Variants in MAGI2 observed in about 807,000 individuals in gnomAD.
MAGI2 encodes membrane-associated guanylate kinase, WW and PDZ domain-containing protein 2.
MAGI2 carries 35 observed loss-of-function variants against 133.3 expected under a neutral mutation model. That is an observed-to-expected ratio of 0.26 (90% CI 0.20 to 0.35). The LOEUF (loss-of-function observed/expected upper bound fraction) is 0.35. Ranked by LOEUF, MAGI2 falls within the 10% of genes least tolerant of loss-of-function variation. The probability of loss-of-function intolerance (pLI) is 1.00; values close to 1 mark genes in which losing one functional copy is unlikely to be tolerated. For missense variants in MAGI2, 1,636 were observed against 1,863.4 expected (o/e 0.88, Z 2.25); for synonymous variants, 729 against 710.6 (o/e 1.03, Z -0.41).
At position 78,127,185 on chromosome 7, in the gene MAGI2, G is replaced by GGGAGGAGGTACCT; in HGVS notation, c.3422_3423+11dup. 6.4e-7 allele frequency: 1 copy of GGGAGGAGGTACCT among 1,552,580 alleles called. No homozygotes were observed. Among genetic ancestry groups the GGGAGGAGGTACCT allele is most frequent in the Non-Finnish European group, 8.7e-7 (1 of 1,152,454 alleles). The stretch of plus-strand genomic sequence containing the variant: ...TTGGTCAGGACCCACCCTGCTCTCC[G>GGGAGGAGGTACCT]GGAGGAGGTACCTGGGGTTGTCTGT... On this transcript the variant is annotated intron_variant, in intron 19 of 21. Transcript: ENST00000354212.
At chr7:78,271,439 G>A (rs1794570082) in intron 9 of MAGI2, among the ~76,000 whole-genome samples, 1 of 152,116 alleles carries the variant, frequency 6.6e-6, no homozygotes, top group South Asian at 2.1e-4. Context: ...TCTCTGCCAG[G>A]TTTTGGTTTC....
chr7:78,156,383 T>C (rs1197583228), intron 16 of MAGI2, among the ~76,000 whole-genome samples: 2 of 152,166 alleles, frequency 1.3e-5, no homozygotes, highest in Non-Finnish European at 2.9e-5. Flanking sequence ...GTGGTGGCTC[T>C]GACTAATGGC....
intron 2 of MAGI2, among the ~76,000 whole-genome samples, chr7:78,643,904 A>G (rs1810562231): frequency 1.3e-5 from 2 of 152,302 alleles, no homozygotes; most frequent in Admixed American, 6.5e-5. Flanking sequence ...TGGATCATCC[A>G]TTTAAAAGAG....
intron 3 of MAGI2, among the ~76,000 whole-genome samples, chr7:78,524,726 T>G (rs1319165269): frequency 6.6e-6 from 1 of 151,992 alleles, no homozygotes; most frequent in Non-Finnish European, 1.5e-5. Context: ...CTGGTATCAA[T>G]GAACTTTTAT....
chr7:78,371,776 C>T (rs1299392835), intron 6 of MAGI2, among the ~76,000 whole-genome samples: 11 of 151,828 alleles, frequency 7.2e-5, no homozygotes, highest in Non-Finnish European at 1.0e-4. Context: ...TTTGTGTGTT[C>T]GTTTGGTTGT....
intron 10 of MAGI2, among the ~76,000 whole-genome samples, chr7:78,214,263 A>C (rs1447926887): frequency 6.6e-6 from 1 of 152,190 alleles, no homozygotes; most frequent in African/African-American, 2.4e-5. Flanking sequence ...GCATCTGAGG[A>C]TCCCAAGTAT....
chr7:79,158,002 A>G (rs1314777933), intron 1 of MAGI2, among the ~76,000 whole-genome samples: 1 of 150,550 alleles, frequency 6.6e-6, no homozygotes, highest in African/African-American at 2.5e-5. Context: ...TATAAATTCT[A>G]TAATTTTATG....
intron 2 of MAGI2, among the ~76,000 whole-genome samples, chr7:78,894,988 A>G (rs1441267232): frequency 6.6e-6 from 1 of 152,204 alleles, no homozygotes; most frequent in Non-Finnish European, 1.5e-5. Context: ...TGACACTGAA[A>G]TTTAACCCCA....
At chr7:78,691,869 A>C (rs1816992595) in intron 2 of MAGI2, among the ~76,000 whole-genome samples, 2 of 152,200 alleles carry the variant, frequency 1.3e-5, no homozygotes, top group Admixed American at 1.3e-4. Context: ...AGAATGTACA[A>C]TACCAAGAGG....
At chr7:78,841,425 G>T (rs188388516) in intron 2 of MAGI2, among the ~76,000 whole-genome samples, 5 of 152,026 alleles carry the variant, frequency 3.3e-5, no homozygotes, top group Non-Finnish European at 7.4e-5. Flanking sequence ...ACTCTTTGCT[G>T]GCATTTCTTT....
intron 2 of MAGI2, among the ~76,000 whole-genome samples, chr7:78,859,357 T>C (rs1793950396): frequency 6.6e-6 from 1 of 152,150 alleles, no homozygotes; most frequent in African/African-American, 2.4e-5. Context: ...CAATTTGGCA[T>C]GTTGTTGCAG....
chr7:78,377,784 G>A (rs1281348495), intron 6 of MAGI2, among the ~76,000 whole-genome samples: 2 of 150,174 alleles, frequency 1.3e-5, no homozygotes, highest in Non-Finnish European at 3.0e-5. Context: ...TTGCTTACAT[G>A]AAACTGTTAT....
chr7:79,372,084 TC>T (rs1200023781), intron 1 of MAGI2, among the ~76,000 whole-genome samples: 7 of 152,252 alleles, frequency 4.6e-5, no homozygotes. Flanking sequence ...AACTAAATAA[TC>T]GAAATCTGCA....
At chr7:78,955,728 T>TCTTTCTTTCTTTCTTTCTTC (rs1802277522) in intron 2 of MAGI2, among the ~76,000 whole-genome samples, 1 of 28,412 alleles carries the variant, frequency 3.5e-5, no homozygotes, top group African/African-American at 9.9e-5. Flanking sequence ...TCTTTCTCTT[T>TCTTTCTTTCTTTCTTTCTTC]CTTTCTTTCT....
At chr7:78,192,763 T>G (rs556208197) in intron 12 of MAGI2, among the ~76,000 whole-genome samples, 1 of 152,298 alleles carries the variant, frequency 6.6e-6, no homozygotes, top group East Asian at 1.9e-4. Context: ...TTTGGCTTTC[T>G]GAGATTTTTG....
chr7:78,828,180 C>T (rs1016805012), intron 2 of MAGI2, among the ~76,000 whole-genome samples: 6 of 151,292 alleles, frequency 4.0e-5, no homozygotes, highest in African/African-American at 1.5e-4. Flanking sequence ...CCATCGTGCC[C>T]AGCCTTCCCC....
At chr7:79,019,504 T>A (rs1809069585) in intron 1 of MAGI2, among the ~76,000 whole-genome samples, 1 of 152,176 alleles carries the variant, frequency 6.6e-6, no homozygotes, top group Non-Finnish European at 1.5e-5. Flanking sequence ...CTTTTCTTTA[T>A]AAATGACCCA....
At chr7:78,659,625 G>A (rs1812713903) in intron 2 of MAGI2, among the ~76,000 whole-genome samples, 1 of 151,978 alleles carries the variant, frequency 6.6e-6, no homozygotes, top group Admixed American at 6.6e-5. Context: ...TTGTTGCCAA[G>A]GGTAAAGGAG....
chr7:78,961,418 G>GA (rs1481050068), intron 2 of MAGI2, among the ~76,000 whole-genome samples: 1 of 152,018 alleles, frequency 6.6e-6, no homozygotes, highest in Non-Finnish European at 1.5e-5. Flanking sequence ...TTCTATCCCA[G>GA]AAAAACATCT....
Sources: allele counts gnomAD v4.1 joint callset (sites outside exome capture counted in the v4.1 genomes callset), GRCh38; gene constraint gnomAD v4.1.1; transcripts MANE v1.5; gene names NCBI Gene and HGNC (gene_info 2026-07-23, HGNC 2026-07-21).